TM9SF3: variants seen among roughly 807,000 people sequenced by gnomAD.
TM9SF3 encodes transmembrane 9 superfamily member 3.
TM9SF3 carries 14 observed loss-of-function variants against 78.6 expected under a neutral mutation model. That is an observed-to-expected ratio of 0.18 (90% CI 0.12 to 0.28). TM9SF3 has a LOEUF of 0.28. TM9SF3 is among the 10% of genes least tolerant of loss of function. The pLI is 1.00. For missense variants in TM9SF3, 496 were observed against 721.9 expected (o/e 0.69, Z 3.59); for synonymous variants, 231 against 241.7 (o/e 0.96, Z 0.41).
At position 96,564,833 on chromosome 10, in the gene TM9SF3, A is replaced by G. The variant is rs114025374; in HGVS notation, c.421+471T>C. Among the ~76,000 whole-genome samples, 115 of 152,346 alleles carry G rather than the reference A, an allele frequency of 7.5e-4. 1 individual carries two copies. The highest frequency in any genetic ancestry group is 2.7e-3 in the African/African-American group (111 of 41,586). On this transcript the variant is annotated intron_variant, in intron 3 of 14. Transcript: ENST00000371142. ...ACTATTCCATAGCTCTTCTCCATTA[A>G]TATGGATAAATAAGGGCAAAAACAT...
chr10:96,575,887 C>T (rs1848490905), intron 2 of TM9SF3, among the ~76,000 whole-genome samples: 1 of 152,182 alleles, frequency 6.6e-6, no homozygotes, highest in Non-Finnish European at 1.5e-5. Flanking sequence ...AATACACTCT[C>T]TGACAAACTT....
chr10:96,534,464 G>A (rs1847932510), intron 9 of TM9SF3, among the ~76,000 whole-genome samples: 1 of 152,030 alleles, frequency 6.6e-6, no homozygotes, highest in African/African-American at 2.4e-5. Context: ...TAAATATGGG[G>A]AGTGATAAAT....
At chr10:96,571,178 A>T (rs1334123384) in intron 2 of TM9SF3, among the ~76,000 whole-genome samples, 1 of 152,220 alleles carries the variant, frequency 6.6e-6, no homozygotes, top group Non-Finnish European at 1.5e-5. Flanking sequence ...CCCAAGAGAC[A>T]CTCAGGACTT....
At position 96,586,863 on chromosome 10, in the gene TM9SF3, G is replaced by C. The variant is rs561737482; in HGVS notation, c.-28C>G. On this transcript the variant is annotated 5_prime_UTR_variant, in exon 1 of 15. Transcript: ENST00000371142. ...TCCGCGCCCCTCCGGCCCGGAGCCGGCTCACCGACTCCTCCTCCCGCCGCC... is the reference window on the plus strand; with the variant it reads ...TCCGCGCCCCTCCGGCCCGGAGCCGCCTCACCGACTCCTCCTCCCGCCGCC... 1.7e-3 allele frequency: 2,050 copies of C among 1,193,334 alleles called. 30 individuals carry two copies. In the African/African-American group the frequency reaches 0.031, roughly 18 times the overall value. 73.9% of individuals were successfully genotyped at this position (1,193,334 alleles called of 1,614,324 possible).
chr10:96,561,568 A>T (rs1033605491), intron 4 of TM9SF3, among the ~76,000 whole-genome samples: 1 of 152,230 alleles, frequency 6.6e-6, no homozygotes, highest in Admixed American at 6.5e-5. Flanking sequence ...CAACTGACAG[A>T]GCAATCCATG....
intron 5 of TM9SF3, among the ~76,000 whole-genome samples, chr10:96,557,400 G>A (rs926951626): frequency 3.0e-5 from 3 of 99,536 alleles, no homozygotes; most frequent in Admixed American, 2.5e-4. Context: ...ACGAAATGCC[G>A]CCAGCTTTAA....
intron 14 of TM9SF3, among the ~76,000 whole-genome samples, chr10:96,522,834 CTTT>C (rs1285380017): frequency 6.6e-6 from 1 of 151,740 alleles, no homozygotes. Context: ...CTGACAGCTT[CTTT>C]TTTATTTTTA....
rs1051270554 is a variant in TM9SF3, at chr10:96,520,373, T to C, written c.*1890A>G. The C allele has an allele frequency of 1.4e-4, 22 of 151,932 alleles. No individual in the cohort carries two copies. The highest frequency in any genetic ancestry group is 3.4e-4 in the African/African-American group (14 of 41,424). 9.4% of individuals were successfully genotyped at this position (151,932 alleles called of 1,614,324 possible). A position where few individuals can be genotyped will look rare whatever the true frequency, so the allele number is the denominator to read the frequency against. On this transcript the variant is annotated 3_prime_UTR_variant, in exon 15 of 15. Coordinates refer to ENST00000371142, the MANE Select transcript of TM9SF3 (RefSeq NM_020123.4). The stretch of plus-strand genomic sequence containing the variant: ...CAAATTTGTTGGATCATATCAATCA[T>C]ACTTAAGTGGTAAGAAATCATACTT...
intron 9 of TM9SF3, among the ~76,000 whole-genome samples, chr10:96,538,522 A>G (rs942521918): frequency 6.6e-6 from 1 of 152,172 alleles, no homozygotes; most frequent in Non-Finnish European, 1.5e-5. Context: ...ATAAAAGAAA[A>G]AATATACCAG....
intron 2 of TM9SF3, among the ~76,000 whole-genome samples, chr10:96,567,377 A>G (rs1005926387): frequency 1.4e-4 from 21 of 151,970 alleles, no homozygotes; most frequent in African/African-American, 4.1e-4. Flanking sequence ...GAGCCACCGC[A>G]CCCGGCCAAT....
Position 96,521,135 on chromosome 10 carries a change from C to T in TM9SF3, c.*1128G>A. 2.7e-6 allele frequency: 1 copy of T among 368,912 alleles called. No individual in the cohort carries two copies. The highest frequency in any genetic ancestry group is 4.8e-6 in the Non-Finnish European group (1 of 206,878). The allele number at this position is 368,912 out of a possible 1,614,324, so 22.9% of individuals were successfully genotyped here. ...CAGAAAATAAACAGAAGAAAACAACCCCCCTCCCAAAAGAAGTATGACACA... is the reference window on the plus strand; with the variant it reads ...CAGAAAATAAACAGAAGAAAACAACTCCCCTCCCAAAAGAAGTATGACACA... On this transcript the variant is annotated 3_prime_UTR_variant, in exon 15 of 15. Coordinates refer to ENST00000371142, the MANE Select transcript of TM9SF3 (RefSeq NM_020123.4).
At chr10:96,529,220 G>A (rs1021910477) in intron 11 of TM9SF3, among the ~76,000 whole-genome samples, 5 of 152,098 alleles carry the variant, frequency 3.3e-5, no homozygotes, top group Non-Finnish European at 7.4e-5. Context: ...CAACTCCTAA[G>A]GTACTAATGC....
intron 4 of TM9SF3, among the ~76,000 whole-genome samples, chr10:96,561,285 C>T (rs1848305788): frequency 6.6e-6 from 1 of 152,072 alleles, no homozygotes; most frequent in Non-Finnish European, 1.5e-5. Context: ...TATTTTTAGA[C>T]TGCATTACTT....
At chr10:96,562,216 G>GTTTTTTTT in intron 3 of TM9SF3, 78 bp from the exon 4 acceptor site, 6 of 560,860 alleles carry the variant, frequency 1.1e-5, no homozygotes, top group South Asian at 6.8e-5. Flanking sequence ...TGCTCATTAA[G>GTTTTTTTT]TTTTTTTTTT....
At chr10:96,528,235 C>A in intron 11 of TM9SF3, 58 bp from the exon 12 acceptor site, 2 of 1,488,774 alleles carry the variant, frequency 1.3e-6, no homozygotes, top group South Asian at 1.4e-5. Flanking sequence ...GCTCACTCTG[C>A]TCTTCGTGAG....
chr10:96,583,005 G>A (rs997264884), intron 1 of TM9SF3, among the ~76,000 whole-genome samples: 5 of 151,500 alleles, frequency 3.3e-5, no homozygotes, highest in African/African-American at 9.7e-5. Flanking sequence ...GTTTGAACCC[G>A]GGAGGCGGAA....
chr10:96,537,692 C>T (rs1199320704), intron 9 of TM9SF3, among the ~76,000 whole-genome samples: 3 of 152,070 alleles, frequency 2.0e-5, no homozygotes, highest in African/African-American at 4.8e-5. Flanking sequence ...ATTAGCTGGG[C>T]GTGGTGACGT....
At chr10:96,586,532 A>G (rs1229100303) in intron 1 of TM9SF3, among the ~76,000 whole-genome samples, 1 of 151,878 alleles carries the variant, frequency 6.6e-6, no homozygotes, top group Non-Finnish European at 1.5e-5. Context: ...GTCACTCGGG[A>G]GCGGAGCCCT....
At chr10:96,584,494 T>C (rs1319783483) in intron 1 of TM9SF3, among the ~76,000 whole-genome samples, 5 of 152,228 alleles carry the variant, frequency 3.3e-5, no homozygotes, top group Admixed American at 6.5e-5. Context: ...TAACTGTTTT[T>C]GTTTTTGTTT....
Sources: gnomAD v4.1 joint callset for allele counts (sites outside exome capture counted in the v4.1 genomes callset) on GRCh38, gnomAD v4.1.1 for gene constraint, MANE v1.5 for transcripts, NCBI Gene and HGNC (gene_info 2026-07-23, HGNC 2026-07-21) for gene names.